Variants in SAMMSON observed in about 807,000 individuals in gnomAD.
SAMMSON encodes the protein long intergenic non-protein coding RNA 1212.
chr3:70,256,650 T>A (rs2106657272), intron 6 of SAMMSON, among the ~76,000 whole-genome samples: 1 of 152,280 alleles, frequency 6.6e-6, no homozygotes, highest in Middle Eastern at 3.4e-3. Flanking sequence ...CCTCAAGCCA[T>A]GAGATGCGTC....
At chr3:70,040,931 A>G (rs2067104080) in intron 3 of SAMMSON, among the ~76,000 whole-genome samples, 1 of 152,156 alleles carries the variant, frequency 6.6e-6, no homozygotes, top group South Asian at 2.1e-4. Flanking sequence ...CTAAATCCAG[A>G]TATCGTCTCA....
At chr3:70,100,879 G>A (rs1046175432) in intron 4 of SAMMSON, among the ~76,000 whole-genome samples, 1 of 152,128 alleles carries the variant, frequency 6.6e-6, no homozygotes, top group African/African-American at 2.4e-5. Flanking sequence ...TAATTTATCA[G>A]TTCCTTGTTA....
At chr3:70,107,718 G>T (rs9836102) in intron 4 of SAMMSON, among the ~76,000 whole-genome samples, 9 of 151,712 alleles carry the variant, frequency 5.9e-5, no homozygotes, top group African/African-American at 2.2e-4. Flanking sequence ...TTTGTCATAC[G>T]AATTAATAGG....
chr3:70,291,070 A>G (rs1702234369), intron 6 of SAMMSON: 1 of 152,298 alleles, frequency 6.6e-6, no homozygotes, highest in Non-Finnish European at 1.5e-5. Context: ...CTATTCGGCC[A>G]TCTTGGCTCC....
chr3:70,164,048 T>C (rs1559526252), intron 4 of SAMMSON, among the ~76,000 whole-genome samples: 1 of 152,034 alleles, frequency 6.6e-6, no homozygotes, highest in Non-Finnish European at 1.5e-5. Context: ...AGTTGATTAA[T>C]TGGAGACACT....
chr3:70,400,653 T>C (rs1701132709), intron 2 of SAMMSON, among the ~76,000 whole-genome samples: 1 of 152,110 alleles, frequency 6.6e-6, no homozygotes, highest in South Asian at 2.1e-4. Flanking sequence ...GGTTGTTGGC[T>C]AGGCAAGGTG....
chr3:70,200,217 G>T (rs993940259), intron 4 of SAMMSON, among the ~76,000 whole-genome samples: 1 of 152,132 alleles, frequency 6.6e-6, no homozygotes, highest in African/African-American at 2.4e-5. Context: ...TCCTGGCAAG[G>T]ACACTCTGCT....
At chr3:70,168,681 C>T (rs1336313549) in intron 4 of SAMMSON, among the ~76,000 whole-genome samples, 2 of 151,958 alleles carry the variant, frequency 1.3e-5, no homozygotes, top group Non-Finnish European at 2.9e-5. Context: ...TTATTTATGG[C>T]CCCACTTGTC....
At chr3:70,050,910 C>T (rs1282665836) in intron 3 of SAMMSON, among the ~76,000 whole-genome samples, 9 of 151,636 alleles carry the variant, frequency 5.9e-5, no homozygotes, top group African/African-American at 1.7e-4. Context: ...CTGAGGCCAG[C>T]GGATCACTTG....
intron 7 of SAMMSON, among the ~76,000 whole-genome samples, chr3:70,303,272 A>G (rs1010833618): frequency 6.6e-6 from 1 of 151,994 alleles, no homozygotes; most frequent in African/African-American, 2.4e-5. Context: ...AGAAGCATCT[A>G]CCTCTCATTG....
At chr3:70,378,765 A>T (rs894070067) in intron 9 of SAMMSON, among the ~76,000 whole-genome samples, 1 of 152,078 alleles carries the variant, frequency 6.6e-6, no homozygotes, top group Admixed American at 6.6e-5. Flanking sequence ...GTATGAAATG[A>T]CATACACATA....
chr3:70,007,903 A>T (rs371198416), intron 1 of SAMMSON, among the ~76,000 whole-genome samples: 23 of 152,254 alleles, frequency 1.5e-4, no homozygotes, highest in African/African-American at 5.1e-4. Flanking sequence ...TTAAATGGGG[A>T]ATCCTTTCCC....
At chr3:70,294,436 A>G (rs931287878) in intron 7 of SAMMSON, among the ~76,000 whole-genome samples, 5 of 152,148 alleles carry the variant, frequency 3.3e-5, no homozygotes, top group South Asian at 2.1e-4. Context: ...ATAGAAAGGA[A>G]TAAGAAACCA....
At chr3:70,155,634 G>A (rs192554160) in intron 4 of SAMMSON, among the ~76,000 whole-genome samples, 1 of 152,116 alleles carries the variant, frequency 6.6e-6, no homozygotes, top group Admixed American at 6.6e-5. Flanking sequence ...AAATTGGCTT[G>A]GGCAGTAATG....
chr3:70,011,485 A>G (rs2066955346), intron 1 of SAMMSON, among the ~76,000 whole-genome samples: 1 of 152,096 alleles, frequency 6.6e-6, no homozygotes, highest in Non-Finnish European at 1.5e-5. Context: ...CAGAATGTGT[A>G]TAATTTGTCT....
At chr3:70,056,844 G>A (rs1481459462) in intron 3 of SAMMSON, among the ~76,000 whole-genome samples, 4 of 151,794 alleles carry the variant, frequency 2.6e-5, no homozygotes, top group Non-Finnish European at 5.9e-5. Flanking sequence ...TTTTTCCTAT[G>A]ACAGGAGGCC....
chr3:70,427,689 G>C (rs992179341), intron 2 of SAMMSON, among the ~76,000 whole-genome samples: 5 of 147,216 alleles, frequency 3.4e-5, no homozygotes, highest in Admixed American at 1.4e-4. Flanking sequence ...AGTGAGTCGA[G>C]ATCGCGCCAC....
chr3:70,060,202 A>C (rs544957771), intron 3 of SAMMSON, among the ~76,000 whole-genome samples: 1 of 152,244 alleles, frequency 6.6e-6, no homozygotes, highest in Non-Finnish European at 1.5e-5. Flanking sequence ...CATGCCAGGC[A>C]CTGTGCTAGT....
chr3:70,176,819 CA>C (rs571000536), intron 4 of SAMMSON, among the ~76,000 whole-genome samples: 3 of 151,984 alleles, frequency 2.0e-5, no homozygotes, highest in Non-Finnish European at 2.9e-5. Context: ...AAAAGATGAT[CA>C]TTTTTTTCTG....
Sources: gnomAD v4.1 joint callset for allele counts (sites outside exome capture counted in the v4.1 genomes callset) on GRCh38, gnomAD v4.1.1 for gene constraint, MANE v1.5 for transcripts, NCBI Gene and HGNC (gene_info 2026-07-23, HGNC 2026-07-21) for gene names.